The following NRIP2 variants were observed in gnomAD, a reference collection of about 807,000 sequenced individuals.
NRIP2 encodes the protein nuclear receptor-interacting protein 2.
In NRIP2, 27 loss-of-function variants were observed where a neutral mutation model predicts 34.1. The ratio of observed to expected loss-of-function variants is 0.79; its 90% CI spans 0.58 to 1.09. NRIP2 has a LOEUF of 1.09. Ranked by LOEUF, NRIP2 falls within the 50% of genes least tolerant of loss-of-function variation. NRIP2 has a pLI of 0.00. For missense variants in NRIP2, 385 were observed against 352.6 expected, an observed-to-expected ratio of 1.09 and a Z score of -0.74; for synonymous variants, 145 against 146.9, an observed-to-expected ratio of 0.99 and a Z score of 0.09.
intron 1 of NRIP2, among the ~76,000 whole-genome samples, chr12:2,834,181 G>A (rs547196262): frequency 6.6e-6 from 1 of 152,224 alleles, no homozygotes; most frequent in East Asian, 1.9e-4. Context: ...GCCCTGGGAA[G>A]GATGGAGACC....
chr12:2,827,489 A>G lies in NRIP2; in HGVS notation c.753+136T>C. ...TTGATTTTTCACTTGGTGGTAAGTA[A>G]GGAACCTCTAAGGAAGCAAAGGGAC... On this transcript the variant is annotated intron_variant, in intron 5 of 5. Transcript: ENST00000337508. This position sits in a 1 kb window ranked among gnomAD's most constrained non-coding sequence, Gnocchi z 4.0. 8.4e-6 allele frequency: 13 copies of G among 1,546,314 alleles called. No homozygotes were observed. The highest frequency in any genetic ancestry group is 1.1e-5 in the Non-Finnish European group (13 of 1,152,866).
chr12:2,828,371 TG>T lies in NRIP2; in HGVS notation c.538del (p.Gln180AsnfsTer15). ...LLRVAVDTGT[Q>X]YNRISAGCLS... ...ACATCCAGCAGAGATCCGATTGTAT[TG>T]GGTGCCTGTGTCAACGGCCACTCTA... is the stretch of plus-strand genomic sequence containing the variant. On this transcript the variant is annotated frameshift_variant, in exon 3 of 6. Transcript: ENST00000337508. LOFTEE classifies it high-confidence loss of function. The T allele has an allele frequency of 6.2e-7, 1 of 1,614,166 alleles. No individual in the cohort carries two copies. The highest frequency in any genetic ancestry group is 1.3e-5 in the African/African-American group (1 of 75,028).
intron 2 of NRIP2, among the ~76,000 whole-genome samples, chr12:2,829,274 G>A (rs1299721988): frequency 6.7e-6 from 1 of 149,310 alleles, no homozygotes; most frequent in African/African-American, 2.5e-5. Context: ...AACAAAGGAA[G>A]ACAACTTCAC....
chr12:2,830,645 G>C, intron 2 of NRIP2, 63 bp downstream of exon 2: 1 of 1,519,242 alleles, frequency 6.6e-7, no homozygotes, highest in Non-Finnish European at 8.9e-7. Context: ...GCAGAAAGGA[G>C]AGCAGGTGAA....
intron 3 of NRIP2, 47 bp from the exon 4 acceptor site, chr12:2,828,094 T>C (rs1204113811): frequency 6.6e-7 from 1 of 1,524,210 alleles, no homozygotes; most frequent in Non-Finnish European, 9.0e-7. Flanking sequence ...CCCTAGAGGG[T>C]TCCACCCCAT....
Position 2,827,488 on chromosome 12 carries a change from A to T in NRIP2, c.753+137T>A, listed in dbSNP as rs2097974202. Reference sequence around the variant, plus strand: ...CTTGATTTTTCACTTGGTGGTAAGTAAGGAACCTCTAAGGAAGCAAAGGGA... The same window carrying T: ...CTTGATTTTTCACTTGGTGGTAAGTTAGGAACCTCTAAGGAAGCAAAGGGA... On this transcript the variant is annotated intron_variant, in intron 5 of 5. Coordinates refer to ENST00000337508, the MANE Select transcript of NRIP2 (RefSeq NM_031474.3). The surrounding 1 kb of genome is among the most constrained non-coding windows in gnomAD (Gnocchi z 4.0). 1.3e-6 allele frequency: 2 copies of T among 1,545,694 alleles called. No homozygotes were observed. Among genetic ancestry groups the T allele is most frequent in the East Asian group, 4.5e-5 (2 of 44,476 alleles).
chr12:2,826,522 A>G lies in NRIP2; in HGVS notation c.*685T>C, dbSNP rs2097967808. 1 of 152,140 alleles carries G rather than the reference A, an allele frequency of 6.6e-6. No homozygotes were observed. The highest frequency in any genetic ancestry group is 2.4e-5 in the African/African-American group (1 of 41,312). 9.4% of individuals were successfully genotyped at this position (152,140 alleles called of 1,614,324 possible). A position where few individuals can be genotyped will look rare whatever the true frequency, so the allele number is the denominator to read the frequency against. ...AAACGGATAAATACCTATAGCGTTAATAGCAGAAGTATGTCCAAGGTTTTG... is the reference window on the plus strand; with the variant it reads ...AAACGGATAAATACCTATAGCGTTAGTAGCAGAAGTATGTCCAAGGTTTTG... On this transcript the variant is annotated 3_prime_UTR_variant, in exon 6 of 6. Coordinates refer to ENST00000337508, the MANE Select transcript of NRIP2 (RefSeq NM_031474.3).
intron 1 of NRIP2, among the ~76,000 whole-genome samples, chr12:2,832,124 C>T (rs1006238960): frequency 6.6e-6 from 1 of 152,136 alleles, no homozygotes; most frequent in Non-Finnish European, 1.5e-5. Flanking sequence ...ACTCTCATAC[C>T]TACCGAATCA....
chr12:2,827,731 T>C lies in NRIP2; in HGVS notation c.701-54A>G. The C allele has an allele frequency of 1.9e-6, 3 of 1,612,876 alleles. No homozygotes were observed. The highest frequency in any genetic ancestry group is 2.2e-5 in the South Asian group (2 of 91,002). On this transcript the variant is annotated intron_variant, in intron 4 of 5. Coordinates refer to ENST00000337508, the MANE Select transcript of NRIP2 (RefSeq NM_031474.3). The surrounding 1 kb of genome is among the most constrained non-coding windows in gnomAD (Gnocchi z 4.0). The stretch of plus-strand genomic sequence containing the variant: ...GCTGAGGGTTCCCAGTGGTCACTGC[T>C]GCCCTCCTCTTAGCCGTTGCTCCTT...
At chr12:2,831,411 C>T (rs1408481417) in intron 1 of NRIP2, among the ~76,000 whole-genome samples, 2 of 151,958 alleles carry the variant, frequency 1.3e-5, no homozygotes, top group Non-Finnish European at 2.9e-5. Context: ...TGGTGAAACC[C>T]TATTTCTACT....
intron 1 of NRIP2, among the ~76,000 whole-genome samples, chr12:2,831,901 T>A (rs957704423): frequency 6.6e-6 from 1 of 152,138 alleles, no homozygotes; most frequent in Non-Finnish European, 1.5e-5. Flanking sequence ...CTGGCCTCCA[T>A]CCTTCCTTTC....
chr12:2,828,460 G>A (rs926073577), intron 2 of NRIP2, 46 bp from the exon 3 acceptor site: 1 of 1,453,832 alleles, frequency 6.9e-7, no homozygotes, highest in Middle Eastern at 1.7e-4. Context: ...CTAGGAGAAT[G>A]GGTTGGAATT....
rs1031197618 is a variant in NRIP2, at chr12:2,827,865, GC to G, written c.700+60del. The G allele has an allele frequency of 1.9e-6, 3 of 1,611,518 alleles. No individual in the cohort carries two copies. The highest frequency in any genetic ancestry group is 2.5e-6 in the Non-Finnish European group (3 of 1,179,542). ...GCAGGGAGTGAAAGTCTCAGCCTTT[GC>G]CCCACCCCAAAGAGAAAGGTGAGGT... On this transcript the variant is annotated intron_variant, in intron 4 of 5. Transcript: ENST00000337508. The surrounding 1 kb of genome is among the most constrained non-coding windows in gnomAD (Gnocchi z 4.0).
At chr12:2,832,061 TGTG>T (rs1280805858) in intron 1 of NRIP2, among the ~76,000 whole-genome samples, 1 of 152,132 alleles carries the variant, frequency 6.6e-6, no homozygotes, top group African/African-American at 2.4e-5. Context: ...TACTCCAAAA[TGTG>T]GTCCTCAGAT....
At position 2,826,921 on chromosome 12, in the gene NRIP2, C is replaced by T; in HGVS notation, c.*286G>A. The T allele has an allele frequency of 8.4e-7, 1 of 1,189,484 alleles. No individual in the cohort carries two copies. The highest frequency in any genetic ancestry group is 1.8e-5 in the South Asian group (1 of 54,694). 73.7% of individuals were successfully genotyped at this position (1,189,484 alleles called of 1,614,324 possible). On this transcript the variant is annotated 3_prime_UTR_variant, in exon 6 of 6. Transcript: ENST00000337508. ...GCAGGCACCCCATTGTGCTTAGGTT[C>T]CTATCTGTGGTCTTGATTTGGCTTT...
intron 1 of NRIP2, among the ~76,000 whole-genome samples, chr12:2,832,315 A>ACATGACCG (rs1271951550): frequency 6.6e-6 from 1 of 152,004 alleles, no homozygotes; most frequent in African/African-American, 2.4e-5. Context: ...TCCACAGTCC[A>ACATGACCG]CATGACCGGG....
chr12:2,830,489 G>T (rs2097995864), intron 2 of NRIP2: 1 of 495,724 alleles, frequency 2.0e-6, no homozygotes, highest in African/African-American at 2.0e-5. Flanking sequence ...CCAAGGAAGG[G>T]GGGCAGAGTA....
intron 1 of NRIP2, among the ~76,000 whole-genome samples, chr12:2,831,186 C>A (rs112779805): frequency 1.6e-3 from 241 of 151,760 alleles, no homozygotes; most frequent in African/African-American, 5.5e-3. Context: ...CTCAAACTTA[C>A]ATTTTTTTTT....
chr12:2,831,468 C>G lies in NRIP2; in HGVS notation c.343-608G>C, dbSNP rs2098002471. 2.0e-5 allele frequency among the ~76,000 whole-genome samples: 3 copies of G among 151,960 alleles called. No individual in the cohort carries two copies. In the South Asian group the frequency reaches 6.2e-4, roughly 32 times the overall value. On this transcript the variant is annotated intron_variant, in intron 1 of 5. Coordinates refer to ENST00000337508, the MANE Select transcript of NRIP2 (RefSeq NM_031474.3). ...ATGTATTGGCATGTGCCTGTAGTCC[C>G]AGCTACTCGGGAGGCTGAAGTGTGA...
Sources: gnomAD v4.1 joint callset for allele counts (sites outside exome capture counted in the v4.1 genomes callset) on GRCh38, gnomAD v4.1.1 for gene constraint, Gnocchi (gnomAD v3.1) non-coding constraint, MANE v1.5 for transcripts, NCBI Gene and HGNC (gene_info 2026-07-23, HGNC 2026-07-21) for gene names.